TACC1: variants seen among roughly 807,000 people sequenced by gnomAD.
The protein encoded by TACC1 is transforming acidic coiled-coil containing protein 1, also known as transforming acidic coiled-coil-containing protein 1.
Under a neutral mutation model 84.4 loss-of-function variants are expected in TACC1, and 48 were observed. That is an observed-to-expected ratio of 0.57 (90% CI 0.45 to 0.72). The LOEUF (loss-of-function observed/expected upper bound fraction) is 0.72. TACC1 is among the 30% of genes least tolerant of loss of function. The pLI is 0.00. For synonymous variants in TACC1, 372 were observed against 376.3 expected, an observed-to-expected ratio of 0.99 and a Z score of 0.13; for missense variants, 920 against 973.0, an observed-to-expected ratio of 0.95 and a Z score of 0.72.
At position 38,768,120 on chromosome 8, in the gene TACC1, GT is replaced by G. The variant is rs1587447527; in HGVS notation, c.27-20583del. ...GGAAGGAAGGAAGGAAGGAAGGAAG[GT>G]AGGGGAAGGGAAGGGAGGGAGGAAG... On this transcript the variant is annotated intron_variant, in intron 3 of 14. Transcript: ENST00000518415. Among the ~76,000 whole-genome samples the G allele has an allele frequency of 3.4e-5, 5 of 147,600 alleles. No homozygotes were observed. The East Asian group carries it at 1.0e-3, about 29-fold the overall frequency.
chr8:38,740,730 C>G (rs1469151949), intron 1 of TACC1, among the ~76,000 whole-genome samples: 1 of 152,208 alleles, frequency 6.6e-6, no homozygotes, highest in Non-Finnish European at 1.5e-5. Context: ...CTTTTATTTT[C>G]TTCCATCTTA....
intron 2 of TACC1, among the ~76,000 whole-genome samples, chr8:38,811,172 A>T (rs1285642854): frequency 3.3e-5 from 5 of 151,942 alleles, no homozygotes; most frequent in Non-Finnish European, 7.4e-5. Context: ...TTTTTTTGAA[A>T]TGAAATATGG....
intron 3 of TACC1, among the ~76,000 whole-genome samples, chr8:38,772,584 G>C (rs1813860909): frequency 6.6e-6 from 1 of 152,182 alleles, no homozygotes; most frequent in South Asian, 2.1e-4. Flanking sequence ...ATCCCAATGA[G>C]GGGTCAGGAC....
At chr8:38,801,676 T>C (rs1329366696) in intron 2 of TACC1, among the ~76,000 whole-genome samples, 4 of 152,218 alleles carry the variant, frequency 2.6e-5, no homozygotes, top group Non-Finnish European at 5.9e-5. Context: ...TTGTTCATTT[T>C]TTCAAGATTG....
chr8:38,787,386 A>T lies in TACC1; in HGVS notation c.-197A>T. ...GCCGCACCGTGAGGGGAGGAGGCCG[A>T]GGAGGACGCAGCGCCGGCTGCCGGC... On this transcript the variant is annotated 5_prime_UTR_variant, in exon 1 of 13. Coordinates refer to ENST00000317827, the MANE Select transcript of TACC1 (RefSeq NM_006283.3). 1 of 1,350,512 alleles carries T rather than the reference A, an allele frequency of 7.4e-7. No individual in the cohort carries two copies. The highest frequency in any genetic ancestry group is 9.4e-7 in the Non-Finnish European group (1 of 1,058,270). The allele number at this position is 1,350,512 out of a possible 1,614,324, so 83.7% of individuals were successfully genotyped here.
rs72636137 is a variant in TACC1 at position 38,760,938 on chromosome 8, G to A, written c.26+15445G>A. Among the ~76,000 whole-genome samples the A allele has an allele frequency of 7.1e-3, 1,075 of 152,346 alleles. 5 individuals are homozygous for A. The highest frequency in any genetic ancestry group is 0.018 in the South Asian group (87 of 4,824). ...ACATGTATGTACCCATGAACCAGAT[G>A]CCATGCTGGGCTCTTTGGAAGGTAT... On this transcript the variant is annotated intron_variant, in intron 3 of 14. Coordinates refer to the TACC1 transcript ENST00000518415.
chr8:38,773,605 GCTATCTAT>G (rs1202102673), intron 3 of TACC1, among the ~76,000 whole-genome samples: 1 of 148,410 alleles, frequency 6.7e-6, no homozygotes, highest in Non-Finnish European at 1.5e-5. Flanking sequence ...TATCTATCTA[GCTATCTAT>G]CTAGCTATCT....
At chr8:38,830,336 G>A (rs906351843) in intron 5 of TACC1, among the ~76,000 whole-genome samples, 1 of 152,072 alleles carries the variant, frequency 6.6e-6, no homozygotes, top group Non-Finnish European at 1.5e-5. Context: ...GTGTGGTGGC[G>A]CTATCTCAAC....
At chr8:38,814,222 G>A (rs1004080988) in intron 2 of TACC1, among the ~76,000 whole-genome samples, 3 of 152,196 alleles carry the variant, frequency 2.0e-5, no homozygotes, top group Non-Finnish European at 4.4e-5. Flanking sequence ...GACATCAACA[G>A]CTTAAATGTT....
intron 3 of TACC1, among the ~76,000 whole-genome samples, chr8:38,747,719 TAGA>T (rs2151721583): frequency 6.6e-6 from 1 of 152,302 alleles, no homozygotes; most frequent in East Asian, 1.9e-4. Flanking sequence ...AGATGAAACA[TAGA>T]AGATTTTTAA....
chr8:38,839,552 A>C, intron 8 of TACC1: 1 of 316,220 alleles, frequency 3.2e-6, no homozygotes, highest in Non-Finnish European at 5.8e-6. Context: ...TCCTGCTCTT[A>C]GAGAGCGGTA....
rs113715454 is a variant in TACC1, at chr8:38,825,348, G to A, written c.1432G>A (p.Ala478Thr). 4.3e-6 allele frequency: 7 copies of A among 1,614,056 alleles called. No homozygotes were observed. The highest frequency in any genetic ancestry group is 3.3e-5 in the South Asian group (3 of 91,062). ...KVKKHETQSL[A>T]LDACSRDEGA... ...GAAGAAGCATGAAACTCAGTCTCTC[G>A]CCCTGGATGCATGTTCTCGGGTGAG... The change falls in exon 4 of 13, where the codon GCC (alanine) becomes ACC (threonine). Residue 478 changes from alanine (A) to threonine (T), a missense_variant. By Grantham distance (58) the Ala-to-Thr change is moderately conservative. Coordinates refer to ENST00000317827, the MANE Select transcript of TACC1 (RefSeq NM_006283.3).
intron 3 of TACC1, among the ~76,000 whole-genome samples, chr8:38,762,673 C>T (rs1041727433): frequency 2.0e-5 from 3 of 152,068 alleles, no homozygotes; most frequent in East Asian, 1.9e-4. Flanking sequence ...TCTTCTGCCT[C>T]AGCCTCCCTA....
In TACC1 at chr8:38,753,943, T is replaced by C. The variant is rs1809532452; in HGVS notation, c.26+8450T>C. ...TTTCTTTCTTTCTTCTTTCTCTCTC[T>C]CTCTTTCATTTTTTGGGTTTTTTTT... On this transcript the variant is annotated intron_variant, in intron 3 of 14. Transcript: ENST00000518415. Among the ~76,000 whole-genome samples the C allele has an allele frequency of 1.4e-5, 2 of 142,296 alleles. 1 individual carries two copies. The highest frequency in any genetic ancestry group is 1.4e-4 in the Admixed American group (2 of 14,334). 93.4% of individuals were successfully genotyped at this position (142,296 alleles called of 152,430 possible).
intron 3 of TACC1, among the ~76,000 whole-genome samples, chr8:38,751,229 T>A (rs1469486724): frequency 6.6e-6 from 1 of 152,224 alleles, no homozygotes; most frequent in African/African-American, 2.4e-5. Flanking sequence ...ACATAAGGTT[T>A]GTAATCAAGA....
At chr8:38,773,777 G>T (rs1227913584) in intron 3 of TACC1, among the ~76,000 whole-genome samples, 1 of 152,062 alleles carries the variant, frequency 6.6e-6, no homozygotes. Context: ...GGGAAAGACA[G>T]ATTATAAATA....
At chr8:38,807,915 A>C (rs554255467) in intron 2 of TACC1, among the ~76,000 whole-genome samples, 8 of 152,386 alleles carry the variant, frequency 5.2e-5, no homozygotes, top group African/African-American at 1.9e-4. Context: ...CTGAATAAGC[A>C]TAAAAAGCAT....
At chr8:38,784,074 G>A (rs760975003), upstream of TACC1, among the ~76,000 whole-genome samples, 3 of 152,178 alleles carry the variant, frequency 2.0e-5, no homozygotes, top group Non-Finnish European at 2.9e-5. Flanking sequence ...GCAATGGCAC[G>A]TCTTCACTGA....
At chr8:38,793,569 A>AG (rs1819267977) in intron 2 of TACC1, among the ~76,000 whole-genome samples, 1 of 151,988 alleles carries the variant, frequency 6.6e-6, no homozygotes, top group Admixed American at 6.6e-5. Flanking sequence ...TTAAAAAAAA[A>AG]CAAAACAAAA....
Sources: gnomAD v4.1 joint callset for allele counts (sites outside exome capture counted in the v4.1 genomes callset) on GRCh38, gnomAD v4.1.1 for gene constraint, MANE v1.5 for transcripts, NCBI Gene and HGNC (gene_info 2026-07-23, HGNC 2026-07-21) for gene names.